Variants in RRAGD observed in about 807,000 individuals in gnomAD.
RRAGD encodes the protein Ras related GTP binding D.
Under a neutral mutation model 35.5 loss-of-function variants are expected in RRAGD, and 12 were observed. That is an observed-to-expected ratio of 0.34 (90% CI 0.22 to 0.55). The LOEUF (loss-of-function observed/expected upper bound fraction) is 0.55, where lower values mean the gene tolerates loss of function less well. Ranked by LOEUF, RRAGD falls within the 20% of genes least tolerant of loss-of-function variation. The probability of loss-of-function intolerance (pLI) is 0.91; values close to 1 mark genes in which losing one functional copy is unlikely to be tolerated. For missense variants in RRAGD, 324 were observed against 490.1 expected, an observed-to-expected ratio of 0.66 and a Z score of 3.20; for synonymous variants, 155 against 178.9, an observed-to-expected ratio of 0.87 and a Z score of 1.07.
chr6:89,397,838 T>C (rs1402012342), intron 1 of RRAGD, among the ~76,000 whole-genome samples: 2 of 152,130 alleles, frequency 1.3e-5, no homozygotes, highest in African/African-American at 2.4e-5. Context: ...AGCGTATCAG[T>C]GGTTACCTAA....
In RRAGD at chr6:89,372,630, C is replaced by T. The variant is rs1169722038; in HGVS notation, c.903-45G>A. 5 of 1,502,274 alleles carry T rather than the reference C, an allele frequency of 3.3e-6. No individual in the cohort carries two copies. In the South Asian group the frequency reaches 4.1e-5, roughly 12 times the overall value. The allele number at this position is 1,502,274 out of a possible 1,614,324, so 93.1% of individuals were successfully genotyped here. On this transcript the variant is annotated intron_variant, in intron 5 of 6. Coordinates refer to ENST00000369415, the MANE Select transcript of RRAGD (RefSeq NM_021244.5). Reference sequence around the variant, plus strand: ...AAAACATGTGACCATTGAGAAAGAACTAGAAACTGTAAGCCAGTGACAAGA... The same window carrying T: ...AAAACATGTGACCATTGAGAAAGAATTAGAAACTGTAAGCCAGTGACAAGA...
intron 1 of RRAGD, among the ~76,000 whole-genome samples, chr6:89,409,904 C>T (rs1425400972): frequency 3.3e-5 from 5 of 152,210 alleles, no homozygotes; most frequent in Admixed American, 6.5e-5. Flanking sequence ...AAACATGTTG[C>T]TCTTCTCACA....
chr6:89,370,250 GA>G (rs2127883642), intron 6 of RRAGD, among the ~76,000 whole-genome samples: 1 of 152,310 alleles, frequency 6.6e-6, no homozygotes, highest in South Asian at 2.1e-4. Flanking sequence ...CTAGCAAGAT[GA>G]AAATAAGGAG....
At chr6:89,382,246 T>C (rs1769056253) in intron 2 of RRAGD, among the ~76,000 whole-genome samples, 1 of 151,700 alleles carries the variant, frequency 6.6e-6, no homozygotes. Context: ...AAACCGCAAA[T>C]GGAGTCCTTC....
chr6:89,396,574 G>A (rs1370526963), intron 1 of RRAGD, among the ~76,000 whole-genome samples: 1 of 151,304 alleles, frequency 6.6e-6, no homozygotes, highest in Non-Finnish European at 1.5e-5. Context: ...CTACAGGCGC[G>A]CCCCATCATG....
intron 2 of RRAGD, among the ~76,000 whole-genome samples, chr6:89,386,656 T>A: frequency 6.6e-6 from 1 of 152,214 alleles, no homozygotes; most frequent in South Asian, 2.1e-4. Flanking sequence ...TCCACCTACT[T>A]ACTTATGTGA....
chr6:89,380,138 T>C (rs545314568), intron 3 of RRAGD, 30 bp downstream of exon 3: 8 of 1,605,822 alleles, frequency 5.0e-6, no homozygotes, highest in African/African-American at 2.7e-5. Flanking sequence ...CCATCCTTTA[T>C]TGGGATCCTT....
rs1203510906 is a variant in RRAGD, at chr6:89,377,821, T to A, written c.760-8A>T. 1.9e-6 allele frequency: 3 copies of A among 1,586,920 alleles called. No individual in the cohort carries two copies. The highest frequency in any genetic ancestry group is 2.7e-5 in the African/African-American group (2 of 72,900). ...CTTTTCAATTCCAGAATTCTGAAAT[T>A]TAAAAAAAAAAGTTGCCTTAAAGCA... On this transcript the variant is annotated splice_polypyrimidine_tract_variant and splice_region_variant and intron_variant, in intron 4 of 6. Coordinates refer to ENST00000369415, the MANE Select transcript of RRAGD (RefSeq NM_021244.5).
chr6:89,402,173 G>T (rs977208199), intron 1 of RRAGD, among the ~76,000 whole-genome samples: 1 of 149,386 alleles, frequency 6.7e-6, no homozygotes, highest in Non-Finnish European at 1.5e-5. Flanking sequence ...TCAGCCTCCC[G>T]AGTAGCTGGG....
intron 6 of RRAGD, among the ~76,000 whole-genome samples, chr6:89,369,846 C>T (rs1768826568): frequency 1.3e-5 from 2 of 152,164 alleles, no homozygotes; most frequent in South Asian, 2.1e-4. Context: ...ACAGTGTTTG[C>T]TATTTCAACC....
In RRAGD at chr6:89,412,115, G is replaced by A. The variant is rs1582530433; in HGVS notation, c.-122C>T. ...GTTTGTCTAGAGCTCAGCGGGGCCC[G>A]GCGGAAGCGGGGGCCGCGCGTCCCC... On this transcript the variant is annotated 5_prime_UTR_variant, in exon 1 of 7. Transcript: ENST00000369415. The surrounding 1 kb of genome is among the most constrained non-coding windows in gnomAD (Gnocchi z 4.2). 1.0e-6 allele frequency: 1 copy of A among 953,726 alleles called. No individual in the cohort carries two copies. The highest frequency in any genetic ancestry group is 4.3e-5 in the Admixed American group (1 of 23,026). 59.1% of individuals were successfully genotyped at this position (953,726 alleles called of 1,614,324 possible).
chr6:89,387,832 TCAA>T (rs2127890968), intron 1 of RRAGD, among the ~76,000 whole-genome samples: 1 of 152,080 alleles, frequency 6.6e-6, no homozygotes, highest in East Asian at 1.9e-4. Flanking sequence ...TGCAAAACAC[TCAA>T]CAATAGAGTC....
intron 5 of RRAGD, among the ~76,000 whole-genome samples, chr6:89,373,947 C>A (rs900994661): frequency 6.6e-6 from 1 of 152,162 alleles, no homozygotes; most frequent in African/African-American, 2.4e-5. Context: ...TGAATCCTTT[C>A]CTCACAGGCA....
intron 1 of RRAGD, among the ~76,000 whole-genome samples, chr6:89,401,399 G>C (rs574213041): frequency 6.6e-6 from 1 of 151,798 alleles, no homozygotes; most frequent in East Asian, 1.9e-4. Flanking sequence ...CTAGGATTAC[G>C]GGCGCCTGAC....
intron 1 of RRAGD, among the ~76,000 whole-genome samples, chr6:89,388,893 C>T (rs188916865): frequency 3.9e-5 from 6 of 152,152 alleles, no homozygotes; most frequent in Non-Finnish European, 8.8e-5. Context: ...TCATAAGGAG[C>T]GTGCAACCTA....
intron 3 of RRAGD, 73 bp downstream of exon 3, chr6:89,380,095 C>A: frequency 7.3e-7 from 1 of 1,369,156 alleles, no homozygotes; most frequent in Non-Finnish European, 1.0e-6. Context: ...CCAAGCCAAT[C>A]ATGGTGACTC....
At position 89,412,206 on chromosome 6, in the gene RRAGD, C is replaced by T. The variant is rs1305669375; in HGVS notation, c.-213G>A. On this transcript the variant is annotated 5_prime_UTR_variant, in exon 1 of 7. Coordinates refer to ENST00000369415, the MANE Select transcript of RRAGD (RefSeq NM_021244.5). The surrounding 1 kb of genome is among the most constrained non-coding windows in gnomAD (Gnocchi z 4.2). ...GCGCCCGAAGCCCCCTCCCCCGCCC[C>T]GCCCGCCGGCGGAGGAGTCAGCCGG... is the stretch of plus-strand genomic sequence containing the variant. The T allele has an allele frequency of 3.2e-6, 1 of 310,292 alleles. No individual in the cohort carries two copies. Among genetic ancestry groups the T allele is most frequent in the East Asian group, 5.6e-5 (1 of 17,900 alleles). The allele number at this position is 310,292 out of a possible 1,614,324, so 19.2% of individuals were successfully genotyped here.
At chr6:89,384,952 G>T (rs1754555305) in intron 2 of RRAGD, among the ~76,000 whole-genome samples, 1 of 152,130 alleles carries the variant, frequency 6.6e-6, no homozygotes. Context: ...TACCTGGGAG[G>T]TTGAAACAGT....
intron 1 of RRAGD, among the ~76,000 whole-genome samples, chr6:89,409,384 T>TA (rs1189884036): frequency 6.6e-6 from 1 of 152,172 alleles, no homozygotes; most frequent in African/African-American, 2.4e-5. Context: ...GTGCAGGCAC[T>TA]AAACCAAGCT....
Sources: gnomAD v4.1 joint callset for allele counts (sites outside exome capture counted in the v4.1 genomes callset) on GRCh38, gnomAD v4.1.1 for gene constraint, Gnocchi (gnomAD v3.1) non-coding constraint, MANE v1.5 for transcripts, NCBI Gene and HGNC (gene_info 2026-07-23, HGNC 2026-07-21) for gene names.